FIP1L1: variants seen among roughly 807,000 people sequenced by gnomAD.
The protein encoded by FIP1L1 is factor interacting with PAPOLA and CPSF1.
In FIP1L1, 21 loss-of-function variants were observed where a neutral mutation model predicts 84.6. The ratio of observed to expected loss-of-function variants is 0.25; its 90% CI spans 0.18 to 0.36. FIP1L1 has a LOEUF of 0.36. FIP1L1 is among the 10% of genes least tolerant of loss of function. The pLI, the probability that FIP1L1 is intolerant of heterozygous loss-of-function variation, is 1.00. For missense variants in FIP1L1, 526 were observed against 751.1 expected (o/e 0.70, Z 3.50); for synonymous variants, 263 against 242.3 (o/e 1.09, Z -0.80).
rs551184157 is a variant in FIP1L1, at chr4:53,460,228, C to CAGTT, written c.*781_*784dup. 83 of 193,986 alleles carry CAGTT rather than the reference C, an allele frequency of 4.3e-4. 1 individual carries two copies. The South Asian group carries it at 4.8e-3, about 11-fold the overall frequency. The allele number at this position is 193,986 out of a possible 1,614,324, so 12.0% of individuals were successfully genotyped here. ...TGGTGGAGCAGCATGAGTTTTTATA[C>CAGTT]AGTTACTAACGATTGTGGAAAAAAA... On this transcript the variant is annotated 3_prime_UTR_variant, in exon 18 of 18. Coordinates refer to ENST00000337488, the MANE Select transcript of FIP1L1 (RefSeq NM_030917.4).
At chr4:53,424,339 G>C (rs1003356727) in intron 11 of FIP1L1, among the ~76,000 whole-genome samples, 6 of 152,008 alleles carry the variant, frequency 3.9e-5, no homozygotes, top group African/African-American at 1.4e-4. Flanking sequence ...AAATTATAGG[G>C]AAGAAATGGA....
At chr4:53,413,879 C>G (rs896546502) in intron 10 of FIP1L1, among the ~76,000 whole-genome samples, 2 of 152,068 alleles carry the variant, frequency 1.3e-5, no homozygotes, top group African/African-American at 2.4e-5. Flanking sequence ...CTTGTCACAT[C>G]TTTCTCTGTT....
At chr4:53,432,950 AT>A (rs1408364378) in intron 13 of FIP1L1, among the ~76,000 whole-genome samples, 4 of 151,960 alleles carry the variant, frequency 2.6e-5, no homozygotes, top group African/African-American at 9.7e-5. Context: ...AGTTAGGGAG[AT>A]TATAAGGAAC....
At chr4:53,426,696 A>C (rs1001008588) in intron 12 of FIP1L1, among the ~76,000 whole-genome samples, 4 of 152,252 alleles carry the variant, frequency 2.6e-5, no homozygotes, top group Middle Eastern at 3.4e-3. Context: ...TTTTTTCCCC[A>C]TCTAAAATTA....
At position 53,391,156 on chromosome 4, in the gene FIP1L1, C is replaced by T. The variant is rs566721397; in HGVS notation, c.636+17C>T. On this transcript the variant is annotated intron_variant, in intron 8 of 17. Transcript: ENST00000337488. ...AAAATTACGGTAATTAATAAATACT[C>T]CGGAATACCCTTGGCTTGTCTACCG... The T allele has an allele frequency of 6.3e-7, 1 of 1,590,740 alleles. No homozygotes were observed. Among genetic ancestry groups the T allele is most frequent in the Non-Finnish European group, 8.5e-7 (1 of 1,172,846 alleles).
chr4:53,403,355 A>G (rs1751284350), intron 10 of FIP1L1, among the ~76,000 whole-genome samples: 1 of 152,206 alleles, frequency 6.6e-6, no homozygotes, highest in Non-Finnish European at 1.5e-5. Context: ...CATTCATACA[A>G]CTTTTATTAT....
At chr4:53,443,275 A>G (rs1772781202) in intron 14 of FIP1L1, among the ~76,000 whole-genome samples, 1 of 152,106 alleles carries the variant, frequency 6.6e-6, no homozygotes, top group Admixed American at 6.5e-5. Flanking sequence ...ATAGAAATCA[A>G]ACAGTGTTGC....
intron 15 of FIP1L1, among the ~76,000 whole-genome samples, chr4:53,448,515 C>G (rs1471934137): frequency 6.6e-6 from 1 of 152,072 alleles, no homozygotes; most frequent in South Asian, 2.1e-4. Context: ...CTACATAATG[C>G]TCTTTGAAGC....
chr4:53,432,989 AAG>A (rs1767436516), intron 13 of FIP1L1, among the ~76,000 whole-genome samples: 1 of 152,114 alleles, frequency 6.6e-6, no homozygotes, highest in Non-Finnish European at 1.5e-5. Context: ...AAATCTGAAT[AAG>A]GTTTTTACTG....
chr4:53,379,328 G>A, intron 3 of FIP1L1, 64 bp downstream of exon 3: 1 of 1,365,290 alleles, frequency 7.3e-7, no homozygotes, highest in Non-Finnish European at 1.0e-6. Flanking sequence ...TCTGTCAGTT[G>A]TCAAAATTAT....
chr4:53,438,558 C>T (rs1043675552), intron 13 of FIP1L1, among the ~76,000 whole-genome samples: 5 of 152,158 alleles, frequency 3.3e-5, no homozygotes, highest in African/African-American at 1.2e-4. Flanking sequence ...AGGGCCCTTG[C>T]TAGTTGCCAT....
At chr4:53,444,242 T>G in intron 15 of FIP1L1, 139 bp downstream of exon 15, 1 of 541,564 alleles carries the variant, frequency 1.8e-6, no homozygotes, top group Non-Finnish European at 3.3e-6. Flanking sequence ...ATGAGTGGTC[T>G]ATGTATCTGC....
chr4:53,417,693 C>G (rs554808107), intron 11 of FIP1L1, among the ~76,000 whole-genome samples: 1 of 149,514 alleles, frequency 6.7e-6, no homozygotes, highest in South Asian at 2.2e-4. Context: ...AACAGATACC[C>G]TGGATAAAAG....
chr4:53,418,431 T>C (rs1471733054), intron 11 of FIP1L1, among the ~76,000 whole-genome samples: 1 of 152,248 alleles, frequency 6.6e-6, no homozygotes, highest in Non-Finnish European at 1.5e-5. Flanking sequence ...TTTCAAACTT[T>C]AACAGTATTC....
At chr4:53,436,832 C>A (rs1007615136) in intron 13 of FIP1L1, among the ~76,000 whole-genome samples, 7 of 150,620 alleles carry the variant, frequency 4.6e-5, no homozygotes, top group African/African-American at 1.5e-4. Flanking sequence ...TTCTTTCAAT[C>A]TCCAAAATAG....
Position 53,382,262 on chromosome 4 carries a change from C to T in FIP1L1, c.171-16C>T. The T allele has an allele frequency of 3.7e-6, 6 of 1,602,972 alleles. No individual in the cohort carries two copies. Among genetic ancestry groups the T allele is most frequent in the Non-Finnish European group, 5.1e-6 (6 of 1,170,042 alleles). On this transcript the variant is annotated splice_polypyrimidine_tract_variant and intron_variant, in intron 3 of 17. Transcript: ENST00000337488. ...AAGTAATGCCTGACATGTATACTTA[C>T]TTTTGTTGTTTGTAGTGCTAATCCT... is the stretch of plus-strand genomic sequence containing the variant.
At chr4:53,413,894 T>TC (rs1758294141) in intron 10 of FIP1L1, among the ~76,000 whole-genome samples, 1 of 152,168 alleles carries the variant, frequency 6.6e-6, no homozygotes, top group Admixed American at 6.5e-5. Flanking sequence ...TCTGTTTCTT[T>TC]CATTCCTGTC....
At chr4:53,378,118 A>G (rs1434168022) in intron 1 of FIP1L1, 195 bp downstream of exon 1, 9 of 475,454 alleles carry the variant, frequency 1.9e-5, no homozygotes, top group Non-Finnish European at 2.9e-5. Flanking sequence ...GCCCACGCCC[A>G]CCATGCGCAT....
chr4:53,441,132 A>G (rs1771719186), intron 13 of FIP1L1: 1 of 151,928 alleles, frequency 6.6e-6, no homozygotes, highest in Admixed American at 6.6e-5. Flanking sequence ...CTAGGAGTTT[A>G]TATGTGGCCC....
Sources: allele counts gnomAD v4.1 joint callset (sites outside exome capture counted in the v4.1 genomes callset), GRCh38; gene constraint gnomAD v4.1.1; transcripts MANE v1.5; gene names NCBI Gene and HGNC (gene_info 2026-07-23, HGNC 2026-07-21).